The following TSSK4 variants were observed in gnomAD, a reference collection of about 807,000 sequenced individuals.
TSSK4 encodes testis-specific serine/threonine-protein kinase 4.
TSSK4 carries 22 observed loss-of-function variants against 28.5 expected under a neutral mutation model. That is an observed-to-expected ratio of 0.77 (90% CI 0.55 to 1.10). The LOEUF is 1.10. Among genes scored for constraint, TSSK4 ranks in the 50% least tolerant of loss-of-function variants. The probability of loss-of-function intolerance (pLI) is 0.00; values close to 1 mark genes in which losing one functional copy is unlikely to be tolerated. For synonymous variants in TSSK4, 151 were observed against 158.3 expected (o/e 0.95, Z 0.35); for missense variants, 329 against 415.4 (o/e 0.79, Z 1.81).
Position 24,206,643 on chromosome 14 carries a change from C to T in TSSK4, c.360C>T (p.Cys120=). ...VLEWIQRYGA[C]SEPLAGKWFS... is the part of the protein sequence containing the mutation. ...AATGGATCCAGCGCTACGGGGCCTG[C>T]TCTGAGCCCCTTGCTGGCAAGTGGT... Residue 120 remains cysteine (C), a synonymous_variant, in exon 2 of 4, where the codon TGC becomes TGT. Transcript: ENST00000339917. The T allele has an allele frequency of 6.2e-7, 1 of 1,614,218 alleles. No homozygotes were observed. Among genetic ancestry groups the T allele is most frequent in the East Asian group, 2.2e-5 (1 of 44,882 alleles).
intron 3 of TSSK4, 59 bp from the exon 4 acceptor site, chr14:24,207,905 T>C (rs759143595): frequency 1.2e-6 from 2 of 1,613,118 alleles, no homozygotes; most frequent in Non-Finnish European, 1.7e-6. Flanking sequence ...CAACTGCTCA[T>C]TGCCTGTGTG....
rs371693620 is a variant in TSSK4 at position 24,206,723 on chromosome 14, G to A, written c.440G>A (p.Arg147His). The change falls in exon 2 of 4, where the codon CGC becomes CAC. Residue 147 changes from arginine (R) to histidine (H), a missense_variant and splice_region_variant. Arg to His is a conservative substitution (Grantham distance 29). Transcript: ENST00000339917. ...CTGCACAGCAAGAGCATCGTGCACC[G>A]GTGAGGGCGCTGCCACCCAGACTGG... ...AYLHSKSIVH[R>H]LMPSLSAAGR... 1.3e-5 allele frequency: 21 copies of A among 1,613,128 alleles called. No individual in the cohort carries two copies. Among genetic ancestry groups the A allele is most frequent in the African/African-American group, 9.3e-5 (7 of 74,924 alleles).
chr14:24,206,874 T>C (rs753184759), intron 2 of TSSK4, 151 bp downstream of exon 2: 1 of 1,014,004 alleles, frequency 9.9e-7, no homozygotes. Flanking sequence ...TCAAGGATAC[T>C]GATAAAGTAC....
intron 3 of TSSK4, 133 bp downstream of exon 3, chr14:24,207,642 C>A: frequency 9.1e-7 from 1 of 1,094,300 alleles, no homozygotes; most frequent in Non-Finnish European, 1.3e-6. Flanking sequence ...CCATCTCACA[C>A]ACTAGCTCCT....
Position 24,207,473 on chromosome 14 carries a change from T to C in TSSK4, c.798T>C (p.Thr266=), listed in dbSNP as rs774688127. The C allele has an allele frequency of 2.5e-6, 4 of 1,613,418 alleles. No homozygotes were observed. The highest frequency in any genetic ancestry group is 1.7e-5 in the Admixed American group (1 of 59,950). The stretch of plus-strand genomic sequence containing the variant: ...TAAGAGAGACTCAGAAGGAGGTCAC[T>C]TTCCCAGCTAACCATACCATCTCCC... ...KLLRETQKEV[T]FPANHTISQE... is the part of the protein sequence containing the mutation. The change falls in exon 3 of 4, where the codon ACT becomes ACC. Residue 266 remains threonine, a synonymous_variant. Coordinates refer to ENST00000339917, the MANE Select transcript of TSSK4 (RefSeq NM_001184739.2).
intron 1 of TSSK4, 98 bp downstream of exon 1, chr14:24,206,246 C>T: frequency 8.5e-7 from 1 of 1,171,576 alleles, no homozygotes; most frequent in Non-Finnish European, 1.2e-6. Context: ...GCCAGAAACC[C>T]CTAAACCAGA....
At chr14:24,206,193 C>T in intron 1 of TSSK4, 45 bp downstream of exon 1, 2 of 1,585,664 alleles carry the variant, frequency 1.3e-6, no homozygotes, top group Non-Finnish European at 1.7e-6. Flanking sequence ...TGGTACTAAG[C>T]TGCTTGAGGT....
At chr14:24,207,838 G>A in intron 3 of TSSK4, 126 bp from the exon 4 acceptor site, 1 of 1,555,268 alleles carries the variant, frequency 6.4e-7, no homozygotes, top group South Asian at 1.2e-5. Context: ...TAAAATCAGA[G>A]CCACACCCAC....
Position 24,207,352 on chromosome 14 carries a change from A to G in TSSK4, c.677A>G (p.Asn226Ser), listed in dbSNP as rs141252083. The G allele has an allele frequency of 9.6e-4, 1,542 of 1,613,746 alleles. 1 individual carries two copies. The highest frequency in any genetic ancestry group is 1.3e-3 in the Non-Finnish European group (1,491 of 1,179,932). ...GAGATCTTACGAGGCTTGCCCTACA[A>G]CCCTTTCCTGTCTGACACCTGGAGC... Reference protein sequence around the residue: ...CPEILRGLPYNPFLSDTWSMG... With the variant: ...CPEILRGLPYSPFLSDTWSMG... Residue 226 changes from asparagine (N) to serine (S), a missense_variant, in exon 3 of 4, where the codon AAC (asparagine) becomes AGC (serine). Asn to Ser is a conservative substitution (Grantham distance 46). This residue lies in a region of TSSK4 where 139 missense variants were observed against 178.1 expected (regional missense o/e 0.78). Coordinates refer to ENST00000339917, the MANE Select transcript of TSSK4 (RefSeq NM_001184739.2).
At position 24,206,630 on chromosome 14, in the gene TSSK4, G is replaced by T; in HGVS notation, c.347G>T (p.Arg116Leu). 5 of 1,614,168 alleles carry T rather than the reference G, an allele frequency of 3.1e-6. No individual in the cohort carries two copies. Among genetic ancestry groups the T allele is most frequent in the Non-Finnish European group, 3.4e-6 (4 of 1,180,032 alleles). ...GGTGATGTCCTTGAATGGATCCAGCGCTACGGGGCCTGCTCTGAGCCCCTT... is the reference window on the plus strand; with the variant it reads ...GGTGATGTCCTTGAATGGATCCAGCTCTACGGGGCCTGCTCTGAGCCCCTT... ...QGGDVLEWIQ[R>L]YGACSEPLAG... The change falls in exon 2 of 4, where the codon CGC (arginine) becomes CTC (leucine). Residue 116 changes from arginine (R) to leucine (L), a missense_variant. By Grantham distance (102) the Arg-to-Leu change is moderately radical. Coordinates refer to ENST00000339917, the MANE Select transcript of TSSK4 (RefSeq NM_001184739.2).
At position 24,207,430 on chromosome 14, in the gene TSSK4, C is replaced by A; in HGVS notation, c.755C>A (p.Thr252Asn). The A allele has an allele frequency of 6.2e-7, 1 of 1,614,064 alleles. No individual in the cohort carries two copies. Among genetic ancestry groups the A allele is most frequent in the Non-Finnish European group, 8.5e-7 (1 of 1,180,008 alleles). Reference sequence around the variant, plus strand: ...GTCGCCCATCTGCCCTTTGATGACACCAATCTCAAAAAGCTGCTAAGAGAG... The same window carrying A: ...GTCGCCCATCTGCCCTTTGATGACAACAATCTCAAAAAGCTGCTAAGAGAG... ...LVVAHLPFDD[T>N]NLKKLLRETQ... is the part of the protein sequence containing the mutation. Residue 252 changes from threonine to asparagine, a missense_variant, in exon 3 of 4, where the codon ACC (threonine) becomes AAC (asparagine). Thr to Asn is a moderately conservative substitution (Grantham distance 65). Coordinates refer to ENST00000339917, the MANE Select transcript of TSSK4 (RefSeq NM_001184739.2).
In TSSK4 at chr14:24,206,138, G is replaced by A. The variant is rs960183312; in HGVS notation, c.215G>A (p.Arg72His). ...SDDYLNKFLPREIQVMKVLRH... is the reference protein window; with the variant it reads ...SDDYLNKFLPHEIQVMKVLRH... ...GACTATCTTAACAAGTTCCTGCCCC[G>A]TGAAATACAGGTTGGAAAGGGGGCT... The change falls in exon 1 of 4, where the codon CGT (arginine) becomes CAT (histidine). Residue 72 changes from arginine to histidine, a missense_variant. Physicochemically the swap from Arg to His is conservative, Grantham distance 29. This residue lies in a region of TSSK4 where 175 missense variants were observed against 196.0 expected (regional missense o/e 0.89). Coordinates refer to ENST00000339917, the MANE Select transcript of TSSK4 (RefSeq NM_001184739.2). 3.1e-6 allele frequency: 5 copies of A among 1,613,864 alleles called. No homozygotes were observed. Among genetic ancestry groups the A allele is most frequent in the Admixed American group, 3.3e-5 (2 of 59,994 alleles).
intron 3 of TSSK4, 98 bp from the exon 4 acceptor site, chr14:24,207,866 G>A: frequency 6.3e-7 from 1 of 1,595,798 alleles, no homozygotes; most frequent in Non-Finnish European, 8.5e-7. Context: ...AGAGTGGTAT[G>A]ATGGGCTATC....
chr14:24,206,801 T>A (rs1383400104), intron 2 of TSSK4, 78 bp downstream of exon 2: 5 of 1,509,966 alleles, frequency 3.3e-6, no homozygotes, highest in Non-Finnish European at 4.5e-6. Context: ...CTGTCCTTTT[T>A]TCCTCTTTCG....
At position 24,207,443 on chromosome 14, in the gene TSSK4, G is replaced by A; in HGVS notation, c.768G>A (p.Lys256=). Residue 256 remains lysine (K), a synonymous_variant, in exon 3 of 4, where the codon AAG becomes AAA. Transcript: ENST00000339917. ...CCTTTGATGACACCAATCTCAAAAA[G>A]CTGCTAAGAGAGACTCAGAAGGAGG... ...HLPFDDTNLK[K]LLRETQKEVT... is the part of the protein sequence containing the mutation. 6.2e-7 allele frequency: 1 copy of A among 1,614,158 alleles called. No individual in the cohort carries two copies. The highest frequency in any genetic ancestry group is 8.5e-7 in the Non-Finnish European group (1 of 1,180,036).
chr14:24,207,478 C>T lies in TSSK4; in HGVS notation c.803C>T (p.Pro268Leu). ...GAGACTCAGAAGGAGGTCACTTTCC[C>T]AGCTAACCATACCATCTCCCAGGAG... The part of the protein sequence containing the change: ...LRETQKEVTF[P>L]ANHTISQECK... Residue 268 changes from proline (P) to leucine (L), a missense_variant, in exon 3 of 4, where the codon CCA (proline) becomes CTA (leucine). Around this residue, in one of 3 missense-constraint regions of TSSK4, gnomAD observed 139 missense variants for 178.1 expected, o/e 0.78. Coordinates refer to ENST00000339917, the MANE Select transcript of TSSK4 (RefSeq NM_001184739.2). The T allele has an allele frequency of 6.2e-7, 1 of 1,612,916 alleles. No individual in the cohort carries two copies. Among genetic ancestry groups the T allele is most frequent in the East Asian group, 2.2e-5 (1 of 44,884 alleles).
chr14:24,208,173 A>C lies in TSSK4; in HGVS notation c.*27A>C, dbSNP rs1195404777. The stretch of plus-strand genomic sequence containing the variant: ...AATGGCTGAGGGAGGGGGCTAAGAG[A>C]GGAGCAAAGCAGGAGGTCTTGGGCT... On this transcript the variant is annotated 3_prime_UTR_variant, in exon 4 of 4. Transcript: ENST00000339917. 5 of 1,575,134 alleles carry C rather than the reference A, an allele frequency of 3.2e-6. No individual in the cohort carries two copies. The highest frequency in any genetic ancestry group is 4.3e-6 in the Non-Finnish European group (5 of 1,156,658).
chr14:24,206,913 A>G (rs756451525), intron 2 of TSSK4, 190 bp downstream of exon 2: 3 of 992,444 alleles, frequency 3.0e-6, no homozygotes, highest in Non-Finnish European at 4.6e-6. Flanking sequence ...TTTATGAAAT[A>G]CAATGGTGAG....
chr14:24,207,633 C>A, intron 3 of TSSK4, 124 bp downstream of exon 3: 1 of 1,150,116 alleles, frequency 8.7e-7, no homozygotes. Context: ...ACACCAGAGC[C>A]ATCTCACACA....
Sources: gnomAD v4.1 joint callset for allele counts on GRCh38, gnomAD v4.1.1 for gene constraint, gnomAD v4.1.1 regional missense constraint, MANE v1.5 for transcripts, NCBI Gene and HGNC (gene_info 2026-07-23, HGNC 2026-07-21) for gene names.